KSR2: variants seen among roughly 807,000 people sequenced by gnomAD.
KSR2 encodes kinase suppressor of ras 2.
KSR2 carries 25 observed loss-of-function variants against 107.8 expected under a neutral mutation model. The observed-to-expected ratio is 0.23, with a 90% CI of 0.17 to 0.32. The LOEUF is 0.32. Among genes scored for constraint, KSR2 ranks in the 10% least tolerant of loss-of-function variants. KSR2 has a pLI of 1.00. For synonymous variants in KSR2, 480 were observed against 507.0 expected (o/e 0.95, Z 0.71); for missense variants, 887 against 1,268.9 (o/e 0.70, Z 4.57).
chr12:117,475,743 C>T (rs1211434430), intron 17 of KSR2, among the ~76,000 whole-genome samples: 1 of 152,184 alleles, frequency 6.6e-6, no homozygotes, highest in Non-Finnish European at 1.5e-5. Flanking sequence ...TAATTCTCCT[C>T]CCCTTAGGTG....
chr12:117,871,463 C>G (rs1893648391), intron 1 of KSR2, among the ~76,000 whole-genome samples: 1 of 152,022 alleles, frequency 6.6e-6, no homozygotes, highest in Non-Finnish European at 1.5e-5. Flanking sequence ...GTGGCGTACA[C>G]CTGTAATCCC....
At chr12:117,612,233 G>A (rs1593050287) in intron 5 of KSR2, among the ~76,000 whole-genome samples, 2 of 151,950 alleles carry the variant, frequency 1.3e-5, no homozygotes, top group Admixed American at 1.3e-4. Context: ...GTGAAACCTC[G>A]TTTCTACTGA....
intron 1 of KSR2, among the ~76,000 whole-genome samples, chr12:117,920,210 G>C (rs1200323877): frequency 1.3e-5 from 2 of 152,070 alleles, no homozygotes; most frequent in African/African-American, 4.8e-5. Flanking sequence ...ATAATCCTCT[G>C]ACCTCAGCTT....
chr12:117,953,496 T>C (rs1231131132), intron 1 of KSR2, among the ~76,000 whole-genome samples: 1 of 152,222 alleles, frequency 6.6e-6, no homozygotes, highest in Non-Finnish European at 1.5e-5. Flanking sequence ...TATTTAGCCA[T>C]AAACACGAAT....
intron 1 of KSR2, among the ~76,000 whole-genome samples, chr12:117,912,472 C>T (rs771288875): frequency 2.6e-5 from 4 of 152,160 alleles, no homozygotes; most frequent in African/African-American, 9.7e-5. Context: ...TGTTATAATT[C>T]GTACACCCTT....
intron 1 of KSR2, among the ~76,000 whole-genome samples, chr12:117,956,659 G>T (rs528166996): frequency 1.0e-3 from 156 of 151,900 alleles, no homozygotes; most frequent in African/African-American, 3.6e-3. Flanking sequence ...GGGGGTGGCT[G>T]CTCACCCCTG....
intron 4 of KSR2, among the ~76,000 whole-genome samples, chr12:117,731,968 C>T (rs543284559): frequency 1.3e-5 from 2 of 148,862 alleles, no homozygotes; most frequent in African/African-American, 4.9e-5. Context: ...CTGACCTTCC[C>T]TCCACTATTG....
intron 4 of KSR2, among the ~76,000 whole-genome samples, chr12:117,736,822 A>G (rs534167517): frequency 1.4e-5 from 2 of 144,474 alleles, no homozygotes; most frequent in South Asian, 4.3e-4. Flanking sequence ...CAAAAAAAAA[A>G]AAAAAGAAAA....
intron 1 of KSR2, among the ~76,000 whole-genome samples, chr12:117,942,712 T>C (rs527723654): frequency 1.3e-5 from 2 of 151,538 alleles, no homozygotes; most frequent in South Asian, 4.2e-4. Flanking sequence ...GTTGTCCAAG[T>C]TGGTCTCGAA....
Position 117,761,216 on chromosome 12 carries a change from G to C in KSR2, c.781C>G (p.Pro261Ala). The C allele has an allele frequency of 6.4e-7, 1 of 1,560,988 alleles. No homozygotes were observed. Among genetic ancestry groups the C allele is most frequent in the Non-Finnish European group, 8.7e-7 (1 of 1,153,048 alleles). Reference sequence around the variant, plus strand: ...GTGACGATGTTGGGGGTGCGCGGCGGGGTGCGGACCGCGTGCCGCTGCCGG... The same window carrying C: ...GTGACGATGTTGGGGGTGCGCGGCGCGGTGCGGACCGCGTGCCGCTGCCGG... ...SPRQRHAVRT[P>A]PRTPNIVTTV... is the part of the protein sequence containing the mutation. The change falls in exon 4 of 20, where the codon CCG (proline) becomes GCG (alanine). Residue 261 changes from proline (P) to alanine (A), a missense_variant. By Grantham distance (27) the Pro-to-Ala change is conservative (BLOSUM62 -1). Transcript: ENST00000339824.
chr12:117,777,175 C>CCATA (rs1889725843), intron 3 of KSR2, among the ~76,000 whole-genome samples: 1 of 136,814 alleles, frequency 7.3e-6, no homozygotes, highest in African/African-American at 2.8e-5. Flanking sequence ...CATATATACA[C>CCATA]TATATATATA....
intron 1 of KSR2, among the ~76,000 whole-genome samples, chr12:117,898,934 C>G (rs1018615006): frequency 6.6e-6 from 1 of 152,130 alleles, no homozygotes; most frequent in Non-Finnish European, 1.5e-5. Flanking sequence ...AACATAAATT[C>G]CTACTTGGAG....
At chr12:117,510,301 C>T (rs923691765) in intron 14 of KSR2, among the ~76,000 whole-genome samples, 3 of 152,118 alleles carry the variant, frequency 2.0e-5, no homozygotes, top group Non-Finnish European at 2.9e-5. Flanking sequence ...AAGATTATTC[C>T]ACTTTTCTGT....
Position 117,712,335 on chromosome 12 carries a change from G to A in KSR2, c.987-44677C>T, listed in dbSNP as rs139293774. On this transcript the variant is annotated intron_variant, in intron 4 of 19. Transcript: ENST00000339824. ...AGAAGGGATGAAGTCTGGGGACAGG[G>A]TCTCAGGCCAAGGAAGCAGATGGGG... 7.7e-4 allele frequency among the ~76,000 whole-genome samples: 118 copies of A among 152,298 alleles called. 1 individual carries two copies. The East Asian group carries it at 0.021, about 28-fold the overall frequency.
At chr12:117,942,220 C>A (rs547941831) in intron 1 of KSR2, among the ~76,000 whole-genome samples, 1 of 152,254 alleles carries the variant, frequency 6.6e-6, no homozygotes, top group African/African-American at 2.4e-5. Flanking sequence ...TTTATCATCT[C>A]TTTGTGTTGG....
At chr12:117,792,483 G>GGGA (rs1303631831) in intron 3 of KSR2, among the ~76,000 whole-genome samples, 2 of 152,314 alleles carry the variant, frequency 1.3e-5, no homozygotes, top group Admixed American at 6.5e-5. Flanking sequence ...GGGATATTGG[G>GGGA]AGCCTCTATC....
intron 1 of KSR2, among the ~76,000 whole-genome samples, chr12:117,926,770 G>A (rs1021670179): frequency 2.0e-5 from 3 of 152,186 alleles, no homozygotes; most frequent in Admixed American, 2.0e-4. Context: ...GGGTGGCCTT[G>A]CTAGACCGCC....
At chr12:117,476,884 G>A (rs1195569124) in intron 16 of KSR2, among the ~76,000 whole-genome samples, 1 of 152,186 alleles carries the variant, frequency 6.6e-6, no homozygotes, top group Non-Finnish European at 1.5e-5. Context: ...ATTCACGGCA[G>A]TTACGTTCTA....
At chr12:117,656,282 T>G (rs1019431418) in intron 5 of KSR2, among the ~76,000 whole-genome samples, 20 of 152,198 alleles carry the variant, frequency 1.3e-4, no homozygotes, top group African/African-American at 4.6e-4. Context: ...ATAATAGTAT[T>G]TGAGTTAGAG....
Sources: gnomAD v4.1 joint callset for allele counts (sites outside exome capture counted in the v4.1 genomes callset) on GRCh38, gnomAD v4.1.1 for gene constraint, MANE v1.5 for transcripts, NCBI Gene and HGNC (gene_info 2026-07-23, HGNC 2026-07-21) for gene names.